Variants in LMX1B observed in about 807,000 individuals in gnomAD.
LMX1B encodes LIM homeobox transcription factor 1 beta, also known as LIM homeobox transcription factor 1-beta.
A neutral mutation model predicts 51.4 loss-of-function variants in LMX1B; 12 were observed. That is an observed-to-expected ratio of 0.23 (90% CI 0.15 to 0.38). LMX1B has a LOEUF of 0.38. Ranked by LOEUF, LMX1B falls within the 10% of genes least tolerant of loss-of-function variation. The pLI is 1.00. For synonymous variants in LMX1B, 237 were observed against 235.4 expected, an observed-to-expected ratio of 1.01 and a Z score of -0.06; for missense variants, 445 against 571.1, an observed-to-expected ratio of 0.78 and a Z score of 2.25.
In LMX1B at chr9:126,626,754, G is replaced by T. The variant is rs990078565; in HGVS notation, c.326+11185G>T. The stretch of plus-strand genomic sequence containing the variant: ...GAGGCGGCGGCGGAGCAAACTCTGC[G>T]GATTAGGTTTCAGCGCCTCCGCCCC... On this transcript the variant is annotated intron_variant, in intron 2 of 7. Transcript: ENST00000373474. This position sits in a 1 kb window ranked among gnomAD's most constrained non-coding sequence, Gnocchi z 4.3. Among the ~76,000 whole-genome samples the T allele has an allele frequency of 2.6e-5, 4 of 152,232 alleles. No homozygotes were observed. Among genetic ancestry groups the T allele is most frequent in the Non-Finnish European group, 5.9e-5 (4 of 68,042 alleles).
intron 2 of LMX1B, among the ~76,000 whole-genome samples, chr9:126,665,061 T>A (rs573475922): frequency 6.6e-6 from 1 of 152,370 alleles, no homozygotes; most frequent in East Asian, 1.9e-4. Flanking sequence ...GTTGGGCAAG[T>A]GTCCATTCAG....
chr9:126,656,130 G>A (rs1015462627), intron 2 of LMX1B, among the ~76,000 whole-genome samples: 3 of 152,228 alleles, frequency 2.0e-5, no homozygotes, highest in Non-Finnish European at 2.9e-5. Flanking sequence ...TCTGACCACA[G>A]GAGGCTGATG....
intron 2 of LMX1B, among the ~76,000 whole-genome samples, chr9:126,689,346 A>G (rs1156297254): frequency 6.6e-6 from 1 of 152,158 alleles, no homozygotes; most frequent in Non-Finnish European, 1.5e-5. Flanking sequence ...CCTCCCATTT[A>G]TGGCCATTTC....
Position 126,652,001 on chromosome 9 carries a change from G to T in LMX1B, c.326+36432G>T, listed in dbSNP as rs939455088. ...ACAAGCCTCGGTAGTGGCCAGAGAT[G>T]GGGGGGGGCCTGCCTGCGGTGGGAT... On this transcript the variant is annotated intron_variant, in intron 2 of 7. Transcript: ENST00000373474. Among the ~76,000 whole-genome samples the T allele has an allele frequency of 1.0e-4, 5 of 48,756 alleles. No homozygotes were observed. In the East Asian group the frequency reaches 3.4e-3, roughly 33 times the overall value. The allele number at this position is 48,756 out of a possible 152,430, so 32.0% of individuals were successfully genotyped here.
intron 2 of LMX1B, among the ~76,000 whole-genome samples, chr9:126,621,933 T>G (rs1265033312): frequency 6.6e-6 from 1 of 152,158 alleles, no homozygotes; most frequent in African/African-American, 2.4e-5. Context: ...TGACAGCACT[T>G]CCTCTCTGCC....
intron 2 of LMX1B, among the ~76,000 whole-genome samples, chr9:126,661,340 G>C (rs1296004465): frequency 1.3e-5 from 2 of 152,178 alleles, no homozygotes; most frequent in African/African-American, 4.8e-5. Flanking sequence ...GGCCCTGTTG[G>C]CTTCTCTCCA....
rs2030374309 is a variant in LMX1B, at chr9:126,697,279, G to A, written c.*828G>A. The A allele has an allele frequency of 6.6e-6, 1 of 152,198 alleles. No homozygotes were observed. Among genetic ancestry groups the A allele is most frequent in the African/African-American group, 2.4e-5 (1 of 41,356 alleles). 9.4% of individuals were successfully genotyped at this position (152,198 alleles called of 1,614,324 possible). A position where few individuals can be genotyped will look rare whatever the true frequency, so the allele number is the denominator to read the frequency against. On this transcript the variant is annotated 3_prime_UTR_variant, in exon 8 of 8. Coordinates refer to ENST00000373474, the MANE Select transcript of LMX1B (RefSeq NM_001174147.2). ...GTTGTATCCCAGCCTGGGCCCAAATGGGGGCAGCCTGGGCAGGGAGGGCAG... is the reference window on the plus strand; with the variant it reads ...GTTGTATCCCAGCCTGGGCCCAAATAGGGGCAGCCTGGGCAGGGAGGGCAG...
Position 126,693,517 on chromosome 9 carries a change from G to A in LMX1B, c.742-7G>A, listed in dbSNP as rs534963836. The A allele has an allele frequency of 1.2e-6, 2 of 1,613,830 alleles. No homozygotes were observed. Among genetic ancestry groups the A allele is most frequent in the Non-Finnish European group, 1.7e-6 (2 of 1,179,924 alleles). ...GGGCCTGACCTGTTCCCCTCTCTCT[G>A]AGCCAGGTCCGAGAGACACTGGCAG... On this transcript the variant is annotated splice_region_variant and splice_polypyrimidine_tract_variant and intron_variant, in intron 4 of 7. Coordinates refer to ENST00000373474, the MANE Select transcript of LMX1B (RefSeq NM_001174147.2).
At chr9:126,650,923 A>G (rs1835991671) in intron 2 of LMX1B, among the ~76,000 whole-genome samples, 1 of 152,222 alleles carries the variant, frequency 6.6e-6, no homozygotes, top group Non-Finnish European at 1.5e-5. Flanking sequence ...CCCGGGGCAC[A>G]CTTAGAGAAC....
Position 126,615,626 on chromosome 9 carries a change from C to A in LMX1B, c.326+57C>A, listed in dbSNP as rs1411396704. The A allele has an allele frequency of 2.5e-5, 38 of 1,505,896 alleles. No homozygotes were observed. Among genetic ancestry groups the A allele is most frequent in the Non-Finnish European group, 3.2e-5 (36 of 1,112,580 alleles). The allele number at this position is 1,505,896 out of a possible 1,614,324, so 93.3% of individuals were successfully genotyped here. A position where few individuals can be genotyped will look rare whatever the true frequency, so the allele number is the denominator to read the frequency against. On this transcript the variant is annotated intron_variant, in intron 2 of 7. Transcript: ENST00000373474. This position sits in a 1 kb window ranked among gnomAD's most constrained non-coding sequence, Gnocchi z 6.0. ...CGCCCGGCACTCGAGCCCGGTCAGC[C>A]CCCTGCCGGGCCCGGCCCGCGCCCG...
rs2030274552 is a variant in LMX1B at position 126,695,007 on chromosome 9, C to G, written c.887-832C>G. On this transcript the variant is annotated intron_variant, in intron 6 of 7. Coordinates refer to ENST00000373474, the MANE Select transcript of LMX1B (RefSeq NM_001174147.2). The surrounding 1 kb of genome is among the most constrained non-coding windows in gnomAD (Gnocchi z 5.2). ...CCATCCGCCCTGTCCGAGCCAGGAA[C>G]CAGGAGTCACCTCTGACCTTCCCCA... Among the ~76,000 whole-genome samples the G allele has an allele frequency of 6.6e-6, 1 of 152,180 alleles. No homozygotes were observed. The highest frequency in any genetic ancestry group is 2.1e-4 in the South Asian group (1 of 4,834).
chr9:126,647,902 C>T (rs1351333178), intron 2 of LMX1B, among the ~76,000 whole-genome samples: 1 of 152,240 alleles, frequency 6.6e-6, no homozygotes, highest in African/African-American at 2.4e-5. Flanking sequence ...AGACCTCTCT[C>T]CCCAGAGATC....
At chr9:126,691,538 ATGTT>A (rs1378871761) in intron 3 of LMX1B, among the ~76,000 whole-genome samples, 4 of 152,138 alleles carry the variant, frequency 2.6e-5, no homozygotes, top group Non-Finnish European at 4.4e-5. Flanking sequence ...CTGCACATAT[ATGTT>A]TGTCCACATG....
At chr9:126,659,430 C>A (rs1448952106) in intron 2 of LMX1B, among the ~76,000 whole-genome samples, 1 of 152,256 alleles carries the variant, frequency 6.6e-6, no homozygotes, top group Non-Finnish European at 1.5e-5. Flanking sequence ...CTAGGTCGGC[C>A]CTGTAGGCCC....
intron 2 of LMX1B, among the ~76,000 whole-genome samples, chr9:126,635,563 C>T (rs1306188734): frequency 6.6e-6 from 1 of 152,224 alleles, no homozygotes; most frequent in Non-Finnish European, 1.5e-5. Flanking sequence ...GCGGTCTCAA[C>T]CTTGGTTCCA....
At position 126,615,435 on chromosome 9, in the gene LMX1B, C is replaced by T. The variant is rs746649113; in HGVS notation, c.192C>T (p.Ser64=). The T allele has an allele frequency of 1.2e-6, 2 of 1,609,140 alleles. No individual in the cohort carries two copies. The highest frequency in any genetic ancestry group is 1.1e-5 in the South Asian group (1 of 90,348). ...AVCEGCQRPI[S]DRFLMRVNES... is the part of the protein sequence containing the mutation. ...GCGAGGGCTGCCAGCGGCCCATCTC[C>T]GACCGCTTCCTGATGCGAGTCAACG... The change falls in exon 2 of 8, where the codon TCC becomes TCT. Residue 64 remains serine (S), a synonymous_variant. Coordinates refer to ENST00000373474, the MANE Select transcript of LMX1B (RefSeq NM_001174147.2). This position sits in a 1 kb window ranked among gnomAD's most constrained non-coding sequence, Gnocchi z 6.0.
intron 2 of LMX1B, among the ~76,000 whole-genome samples, chr9:126,644,982 T>G (rs1835873447): frequency 1.3e-5 from 2 of 152,084 alleles, no homozygotes; most frequent in African/African-American, 4.8e-5. Flanking sequence ...CTGCTGTCAG[T>G]CTGCCGTGAT....
chr9:126,619,737 A>G (rs1426530309), intron 2 of LMX1B, among the ~76,000 whole-genome samples: 1 of 152,098 alleles, frequency 6.6e-6, no homozygotes, highest in African/African-American at 2.4e-5. Flanking sequence ...CGGAGGCATT[A>G]TTCACAGTGA....
intron 2 of LMX1B, among the ~76,000 whole-genome samples, chr9:126,632,237 C>T (rs1835647527): frequency 6.6e-6 from 1 of 152,082 alleles, no homozygotes; most frequent in African/African-American, 2.4e-5. Flanking sequence ...GAGTTGTGGG[C>T]AGGGGCCTCG....
Sources: allele counts gnomAD v4.1 joint callset (sites outside exome capture counted in the v4.1 genomes callset), GRCh38; gene constraint gnomAD v4.1.1; non-coding constraint Gnocchi (gnomAD v3.1); transcripts MANE v1.5; gene names NCBI Gene and HGNC (gene_info 2026-07-23, HGNC 2026-07-21).